NCAPG2: variants seen among roughly 807,000 people sequenced by gnomAD.
NCAPG2 encodes condensin-2 complex subunit G2.
A neutral mutation model predicts 141.1 loss-of-function variants in NCAPG2; 53 were observed. The ratio of observed to expected loss-of-function variants is 0.38; its 90% confidence interval spans 0.30 to 0.47. The LOEUF (loss-of-function observed/expected upper bound fraction) is 0.47, where lower values mean the gene tolerates loss of function less well. Among genes scored for constraint, NCAPG2 ranks in the 20% least tolerant of loss-of-function variants. The probability of loss-of-function intolerance (pLI) is 0.99; values close to 1 mark genes in which losing one functional copy is unlikely to be tolerated. For synonymous variants in NCAPG2, 499 were observed against 490.7 expected (o/e 1.02, Z -0.22); for missense variants, 1,087 against 1,389.0 (o/e 0.78, Z 3.46).
chr7:158,676,629 A>T (rs1291088659), intron 11 of NCAPG2, among the ~76,000 whole-genome samples: 2 of 152,258 alleles, frequency 1.3e-5, no homozygotes, highest in Non-Finnish European at 2.9e-5. Context: ...CAGGGGAAGA[A>T]GAAATCAGAT....
At position 158,650,693 on chromosome 7, in the gene NCAPG2, C is replaced by T. The variant is rs865962703; in HGVS notation, c.3075+139G>A. 7.2e-5 allele frequency: 77 copies of T among 1,070,170 alleles called. No individual in the cohort carries two copies. The Middle Eastern group carries it at 6.6e-3, about 92-fold the overall frequency. The allele number at this position is 1,070,170 out of a possible 1,614,324, so 66.3% of individuals were successfully genotyped here. ...GCTATCAAACTCTGAGGTGTAGCTGCTAGGAAAGTGCACCACTCACTCAAG... is the reference window on the plus strand; with the variant it reads ...GCTATCAAACTCTGAGGTGTAGCTGTTAGGAAAGTGCACCACTCACTCAAG... On this transcript the variant is annotated intron_variant, in intron 24 of 27. Transcript: ENST00000356309.
rs1831034149 is a variant in NCAPG2, at chr7:158,646,569, A to G, written c.3076-6T>C. On this transcript the variant is annotated splice_polypyrimidine_tract_variant and splice_region_variant and intron_variant, in intron 24 of 27. Coordinates refer to ENST00000356309, the MANE Select transcript of NCAPG2 (RefSeq NM_017760.7). ...AGCTCTTCTACGTCAGAAACCTAAA[A>G]AAGTTCCAAATCAGCAAGTTGTAAA... 1 of 1,563,020 alleles carries G rather than the reference A, an allele frequency of 6.4e-7. No individual in the cohort carries two copies. Among genetic ancestry groups the G allele is most frequent in the African/African-American group, 1.4e-5 (1 of 70,888 alleles).
At chr7:158,668,356 G>T in intron 13 of NCAPG2, 7 of 948,422 alleles carry the variant, frequency 7.4e-6, no homozygotes, top group South Asian at 5.1e-5. Context: ...GGGTCCCTCC[G>T]CCCTCCTTAC....
chr7:158,678,649 C>G (rs1834250719), intron 11 of NCAPG2, among the ~76,000 whole-genome samples: 1 of 149,870 alleles, frequency 6.7e-6, no homozygotes, highest in Non-Finnish European at 1.5e-5. Context: ...GATCACGCCA[C>G]TGGACTCCAG....
At chr7:158,691,023 G>C (rs1042322492) in intron 4 of NCAPG2, among the ~76,000 whole-genome samples, 1 of 152,144 alleles carries the variant, frequency 6.6e-6, no homozygotes, top group Non-Finnish European at 1.5e-5. Context: ...AGATGCTGAG[G>C]CTAACCAAAC....
intron 16 of NCAPG2, among the ~76,000 whole-genome samples, chr7:158,661,818 C>T (rs1342426829): frequency 1.3e-5 from 2 of 152,180 alleles, no homozygotes; most frequent in Non-Finnish European, 2.9e-5. Flanking sequence ...TTACTGGGTG[C>T]CTTCGGGTAC....
rs776660133 is a variant in NCAPG2 at position 158,687,425 on chromosome 7, A to G, written c.690T>C (p.Ser230=). Residue 230 remains serine (S), a synonymous_variant, in exon 7 of 28, where the codon AGT becomes AGC. Transcript: ENST00000356309. ...IKKEEGRRFL[S]CLFNWNINFI... The stretch of plus-strand genomic sequence containing the variant: ...AGTTGATATTCCAGTTGAAGAGACA[A>G]CTAAGAAATCTTCTTCCCTAGAAAT... 4 of 1,605,196 alleles carry G rather than the reference A, an allele frequency of 2.5e-6. No individual in the cohort carries two copies. In the South Asian group the frequency reaches 3.4e-5, roughly 13 times the overall value.
intron 9 of NCAPG2, 39 bp from the exon 10 acceptor site, chr7:158,680,855 A>T: frequency 2.8e-6 from 4 of 1,405,362 alleles, no homozygotes; most frequent in South Asian, 2.5e-5. Flanking sequence ...CATTAACAAA[A>T]AAATAAATAA....
chr7:158,667,054 G>T, intron 13 of NCAPG2: 1 of 877,942 alleles, frequency 1.1e-6, no homozygotes, highest in Non-Finnish European at 1.4e-6. Flanking sequence ...CTGTCCTCTG[G>T]CCAGCCAGAC....
chr7:158,698,184 T>C (rs1426636264), intron 2 of NCAPG2, among the ~76,000 whole-genome samples: 4 of 152,222 alleles, frequency 2.6e-5, no homozygotes, highest in African/African-American at 9.6e-5. Flanking sequence ...TAAGTGTTAT[T>C]ATAAAGGATT....
rs1834738425 is a variant in NCAPG2 at position 158,686,105 on chromosome 7, T to C, written c.837+67A>G. 3 of 978,862 alleles carry C rather than the reference T, an allele frequency of 3.1e-6. No individual in the cohort carries two copies. The African/African-American group carries it at 5.1e-5, about 17-fold the overall frequency. 60.6% of individuals were successfully genotyped at this position (978,862 alleles called of 1,614,324 possible). On this transcript the variant is annotated intron_variant, in intron 8 of 27. Coordinates refer to ENST00000356309, the MANE Select transcript of NCAPG2 (RefSeq NM_017760.7). ...AACATGGATCTTAAATAACCCTTCT[T>C]TGACTACTTATTTAGTAACTAAAAT...
chr7:158,701,646 G>A lies in NCAPG2; in HGVS notation c.78+176C>T, dbSNP rs1019040513. 5.9e-5 allele frequency among the ~76,000 whole-genome samples: 9 copies of A among 152,196 alleles called. No homozygotes were observed. In the East Asian group the frequency reaches 1.4e-3, roughly 23 times the overall value. On this transcript the variant is annotated intron_variant, in intron 2 of 27. Transcript: ENST00000356309. The stretch of plus-strand genomic sequence containing the variant: ...TTCTGTTTATCTTTTACATCTTAGC[G>A]TAGCCCACCAGCAGGTAGATTTGAG...
At chr7:158,691,617 A>G (rs1835122785) in intron 4 of NCAPG2, among the ~76,000 whole-genome samples, 1 of 152,232 alleles carries the variant, frequency 6.6e-6, no homozygotes, top group Admixed American at 6.5e-5. Context: ...AAAAATCATT[A>G]AGATATTTTT....
chr7:158,664,675 C>G lies in NCAPG2; in HGVS notation c.1555G>C (p.Val519Leu), dbSNP rs944757317. ...TDSRPVSRRL[V>L]SLIFNSFLPV... ...AGGAAAGAATTAAAGATGAGGCTCA[C>G]CAGGCGCCGAGACACAGGTCGAGAA... The change falls in exon 14 of 28, where the codon GTG (valine) becomes CTG (leucine). Residue 519 changes from valine to leucine, a missense_variant. By Grantham distance (32) the Val-to-Leu change is conservative. Coordinates refer to ENST00000356309, the MANE Select transcript of NCAPG2 (RefSeq NM_017760.7). 2 of 1,614,122 alleles carry G rather than the reference C, an allele frequency of 1.2e-6. No homozygotes were observed. The highest frequency in any genetic ancestry group is 1.7e-6 in the Non-Finnish European group (2 of 1,180,026).
At chr7:158,694,588 T>C (rs1835331213) in intron 2 of NCAPG2, among the ~76,000 whole-genome samples, 1 of 152,128 alleles carries the variant, frequency 6.6e-6, no homozygotes, top group Non-Finnish European at 1.5e-5. Flanking sequence ...ACACTAAAAT[T>C]TAATCAGATC....
chr7:158,680,125 G>A (rs766708851), intron 10 of NCAPG2, 40 bp from the exon 11 acceptor site: 1 of 1,597,812 alleles, frequency 6.3e-7, no homozygotes, highest in South Asian at 1.1e-5. Context: ...ATCCCAAAGA[G>A]TTAACATACG....
At position 158,664,615 on chromosome 7, in the gene NCAPG2, G is replaced by A. The variant is rs1418337253; in HGVS notation, c.1615C>T (p.Arg539Cys). ...TTCATCTGCACCAGGGTGACACAGC[G>A]CTCGCACCAGACCTCCTCCGGCTGA... ...VNQPEEVWCE[R>C]CVTLVQMNHA... The change falls in exon 14 of 28, where the codon CGC becomes TGC. Residue 539 changes from arginine (R) to cysteine (C), a missense_variant. Transcript: ENST00000356309. 5.0e-6 allele frequency: 8 copies of A among 1,614,002 alleles called. No homozygotes were observed. Among genetic ancestry groups the A allele is most frequent in the Admixed American group, 1.7e-5 (1 of 59,990 alleles).
chr7:158,642,084 T>C (rs1830687911), intron 27 of NCAPG2, among the ~76,000 whole-genome samples: 2 of 151,774 alleles, frequency 1.3e-5, no homozygotes, highest in African/African-American at 4.8e-5. Context: ...AAGAAATCAA[T>C]AACAGAAAGC....
intron 21 of NCAPG2, 41 bp from the exon 22 acceptor site, chr7:158,654,735 T>C: frequency 6.3e-7 from 1 of 1,587,738 alleles, no homozygotes; most frequent in Non-Finnish European, 8.6e-7. Flanking sequence ...AGGCCATTTT[T>C]AAAAAGGGAG....
Sources: allele counts gnomAD v4.1 joint callset (sites outside exome capture counted in the v4.1 genomes callset), GRCh38; gene constraint gnomAD v4.1.1; transcripts MANE v1.5; gene names NCBI Gene and HGNC (gene_info 2026-07-23, HGNC 2026-07-21).